RYR2: variants seen among roughly 807,000 people sequenced by gnomAD.
RYR2 encodes the protein cardiac muscle ryanodine receptor-calcium release channel.
In RYR2, 227 loss-of-function variants were observed where a neutral mutation model predicts 601.1. The observed-to-expected ratio is 0.38, with a 90% CI of 0.34 to 0.42. RYR2 has a LOEUF of 0.42. Among genes scored for constraint, RYR2 ranks in the 10% least tolerant of loss-of-function variants. RYR2 has a pLI of 1.00. For synonymous variants in RYR2, 2,223 were observed against 2,175.1 expected (o/e 1.02, Z -0.61); for missense variants, 4,646 against 6,156.5 (o/e 0.75, Z 8.21).
intron 2 of RYR2, among the ~76,000 whole-genome samples, chr1:237,313,546 C>G (rs901147088): frequency 6.6e-6 from 1 of 152,176 alleles, no homozygotes; most frequent in Non-Finnish European, 1.5e-5. Context: ...AGTGAGGAAA[C>G]AGATTCTCCC....
chr1:237,063,947 T>C (rs922642080), intron 1 of RYR2, among the ~76,000 whole-genome samples: 2 of 152,060 alleles, frequency 1.3e-5, no homozygotes, highest in African/African-American at 4.8e-5. Context: ...TAAGTCTCAC[T>C]GTTTTCCTTT....
At chr1:237,473,720 G>A (rs1661048088) in intron 17 of RYR2, among the ~76,000 whole-genome samples, 1 of 151,970 alleles carries the variant, frequency 6.6e-6, no homozygotes, top group South Asian at 2.1e-4. Flanking sequence ...TTTCCTCAGT[G>A]CCCCCTGCCT....
intron 3 of RYR2, among the ~76,000 whole-genome samples, chr1:237,344,641 C>T (rs1014747551): frequency 3.3e-5 from 5 of 152,156 alleles, no homozygotes; most frequent in Non-Finnish European, 5.9e-5. Flanking sequence ...TTCCTTATCA[C>T]TGGGTGTTCA....
intron 3 of RYR2, among the ~76,000 whole-genome samples, chr1:237,332,270 T>C (rs1371970479): frequency 6.6e-6 from 1 of 152,172 alleles, no homozygotes; most frequent in Non-Finnish European, 1.5e-5. Context: ...TTTAGTTGAT[T>C]TGTGCATTAA....
At chr1:237,126,473 C>A (rs902278253) in intron 1 of RYR2, among the ~76,000 whole-genome samples, 3 of 152,084 alleles carry the variant, frequency 2.0e-5, no homozygotes, top group Admixed American at 1.3e-4. Flanking sequence ...TGATGGGCAA[C>A]CTTTTATCTC....
At chr1:237,498,783 A>G (rs1428407480) in intron 20 of RYR2, among the ~76,000 whole-genome samples, 1 of 152,226 alleles carries the variant, frequency 6.6e-6, no homozygotes, top group South Asian at 2.1e-4. Flanking sequence ...AACAACAAAA[A>G]AAAATTTAGT....
At chr1:237,168,679 G>GATTTCACTTTTCTCTGT (rs1253601475) in intron 1 of RYR2, among the ~76,000 whole-genome samples, 3 of 145,538 alleles carry the variant, frequency 2.1e-5, no homozygotes, top group African/African-American at 7.6e-5. Flanking sequence ...AGAATGTTTA[G>GATTTCACTTTTCTCTGT]ATTTCACTTT....
chr1:237,357,065 T>G (rs983338785), intron 4 of RYR2, among the ~76,000 whole-genome samples: 3 of 152,190 alleles, frequency 2.0e-5, no homozygotes, highest in Admixed American at 1.3e-4. Flanking sequence ...TTTTTAAATT[T>G]TTTTTAGCCC....
intron 35 of RYR2, among the ~76,000 whole-genome samples, chr1:237,605,413 GGAC>G (rs1366223441): frequency 6.6e-6 from 1 of 152,072 alleles, no homozygotes; most frequent in African/African-American, 2.4e-5. Context: ...GGTATTGATG[GGAC>G]GTATCTCAAA....
At chr1:237,297,926 A>ATTTTTTTTT (rs71661539) in intron 2 of RYR2, among the ~76,000 whole-genome samples, 2 of 133,372 alleles carry the variant, frequency 1.5e-5, no homozygotes, top group Non-Finnish European at 1.6e-5. Context: ...AATTTTTTGT[A>ATTTTTTTTT]TTTTTTTTTT....
chr1:237,275,087 T>C (rs200288455), intron 2 of RYR2, among the ~76,000 whole-genome samples: 1 of 150,696 alleles, frequency 6.6e-6, no homozygotes, highest in Non-Finnish European at 1.5e-5. Flanking sequence ...CACACACACA[T>C]ACACGCACAC....
intron 19 of RYR2, among the ~76,000 whole-genome samples, chr1:237,494,131 G>C (rs979511905): frequency 6.6e-6 from 1 of 152,154 alleles, no homozygotes; most frequent in Non-Finnish European, 1.5e-5. Flanking sequence ...ATATATGAAA[G>C]GGAGTTTATT....
intron 12 of RYR2, among the ~76,000 whole-genome samples, chr1:237,434,628 C>T (rs556349187): frequency 3.8e-4 from 58 of 152,236 alleles, no homozygotes; most frequent in Middle Eastern, 3.4e-3. Flanking sequence ...CTTAAAATGC[C>T]ACTGAAACAT....
intron 1 of RYR2, among the ~76,000 whole-genome samples, chr1:237,099,682 A>G (rs1667866963): frequency 6.6e-6 from 1 of 152,242 alleles, no homozygotes; most frequent in African/African-American, 2.4e-5. Flanking sequence ...ATGGCAGATC[A>G]ATAGAACCTT....
At chr1:237,803,326 C>T (rs186415469) in intron 98 of RYR2, among the ~76,000 whole-genome samples, 1 of 126,114 alleles carries the variant, frequency 7.9e-6, no homozygotes, top group East Asian at 2.3e-4. Context: ...TTTTTTGAGA[C>T]AGAGTCTTGC....
At chr1:237,761,649 T>C (rs527723844) in intron 84 of RYR2, among the ~76,000 whole-genome samples, 2 of 152,372 alleles carry the variant, frequency 1.3e-5, no homozygotes, top group African/African-American at 4.8e-5. Flanking sequence ...CTAGAAAGTT[T>C]AGCATACAAT....
chr1:237,812,356 G>T (rs531966715), intron 100 of RYR2, among the ~76,000 whole-genome samples: 1 of 152,292 alleles, frequency 6.6e-6, no homozygotes, highest in East Asian at 1.9e-4. Context: ...TGCATGGTAA[G>T]CACCTTTCTA....
intron 23 of RYR2, 55 bp downstream of exon 23, chr1:237,506,869 A>T: frequency 2.8e-6 from 4 of 1,448,490 alleles, no homozygotes; most frequent in Non-Finnish European, 3.8e-6. Context: ...TTCTGAAAAC[A>T]TAACTTTTTC....
At chr1:237,288,124 G>T (rs981767642) in intron 2 of RYR2, among the ~76,000 whole-genome samples, 3 of 152,190 alleles carry the variant, frequency 2.0e-5, no homozygotes, top group Admixed American at 6.5e-5. Context: ...GATCCAGGCT[G>T]GTACTGGGGG....
Sources: allele counts gnomAD v4.1 joint callset (sites outside exome capture counted in the v4.1 genomes callset), GRCh38; gene constraint gnomAD v4.1.1; transcripts MANE v1.5; gene names NCBI Gene and HGNC (gene_info 2026-07-23, HGNC 2026-07-21).